The following GARIN2 variants were observed in gnomAD, a reference collection of about 807,000 sequenced individuals.
GARIN2 encodes golgi associated RAB2 interactor family member 2.
chr14:67,223,552 T>C, the GARIN2 span, among the ~76,000 whole-genome samples: 1 of 152,166 alleles, frequency 6.6e-6, no homozygotes, highest in African/African-American at 2.4e-5. Flanking sequence ...GCTTTGGAAA[T>C]CAGGAGCTAA....
chr14:67,199,986 G>T, the GARIN2 span: 1 of 1,101,204 alleles, frequency 9.1e-7, no homozygotes, highest in Non-Finnish European at 1.3e-6. Context: ...TGTCTCAGAT[G>T]CAGCTGGCAC....
At chr14:67,198,362 A>G in the GARIN2 span, 1 of 1,557,090 alleles carries the variant, frequency 6.4e-7, no homozygotes, top group Non-Finnish European at 8.8e-7. Flanking sequence ...CAATAACTTC[A>G]GTAATTTTCT....
At chr14:67,206,857 A>G in the GARIN2 span, among the ~76,000 whole-genome samples, 223 of 152,022 alleles carry the variant, frequency 1.5e-3, 2 homozygotes, top group Non-Finnish European at 1.5e-3. Flanking sequence ...CAGCTTTCCA[A>G]GTAGCTGGGA....
the GARIN2 span, chr14:67,204,950 C>G: frequency 6.2e-7 from 1 of 1,608,124 alleles, no homozygotes. Context: ...CCAGAGGTCC[C>G]GGATGTAAGA....
the GARIN2 span, among the ~76,000 whole-genome samples, chr14:67,207,903 A>G: frequency 6.6e-6 from 1 of 152,156 alleles, no homozygotes. Flanking sequence ...TGTGCTGACA[A>G]TTCACAGAGA....
the GARIN2 span, among the ~76,000 whole-genome samples, chr14:67,215,781 C>G: frequency 4.6e-5 from 7 of 152,262 alleles, no homozygotes; most frequent in African/African-American, 1.7e-4. Flanking sequence ...TCTGGTCACT[C>G]TGATGTCTTC....
the GARIN2 span, among the ~76,000 whole-genome samples, chr14:67,195,789 G>C: frequency 6.6e-6 from 1 of 150,504 alleles, no homozygotes. Flanking sequence ...TGTCGCCCAG[G>C]CTGGAGTGCA....
At chr14:67,207,448 G>C in the GARIN2 span, among the ~76,000 whole-genome samples, 1 of 151,202 alleles carries the variant, frequency 6.6e-6, no homozygotes, top group African/African-American at 2.4e-5. Flanking sequence ...CATTCATGAG[G>C]GATCTGCCCC....
the GARIN2 span, among the ~76,000 whole-genome samples, chr14:67,212,604 TATATATATATGTA>T: frequency 6.9e-6 from 1 of 143,982 alleles, no homozygotes; most frequent in East Asian, 2.0e-4. Flanking sequence ...AAAAAATATA[TATATATATATGTA>T]ATATATATTA....
At chr14:67,195,048 G>C in the GARIN2 span, among the ~76,000 whole-genome samples, 15 of 152,190 alleles carry the variant, frequency 9.9e-5, no homozygotes, top group Non-Finnish European at 2.2e-4. Flanking sequence ...GGTGGGGTGA[G>C]GGGTGTAGTG....
At chr14:67,205,900 A>G in the GARIN2 span, among the ~76,000 whole-genome samples, 4 of 152,170 alleles carry the variant, frequency 2.6e-5, no homozygotes, top group African/African-American at 9.7e-5. Flanking sequence ...ACAATAGAAA[A>G]AAGTCTGGTG....
At chr14:67,192,909 T>TAGAG in the GARIN2 span, among the ~76,000 whole-genome samples, 6,698 of 146,540 alleles carry the variant, frequency 0.046, 170 homozygotes, top group African/African-American at 0.054. Flanking sequence ...TCTAGATATA[T>TAGAG]ATAGATATAT....
At chr14:67,223,942 G>A in the GARIN2 span, 1 of 985,160 alleles carries the variant, frequency 1.0e-6, no homozygotes, top group Non-Finnish European at 1.2e-6. Flanking sequence ...AATTAAAAAT[G>A]AGTCCGTAAT....
At chr14:67,208,080 A>G in the GARIN2 span, 2 of 1,388,066 alleles carry the variant, frequency 1.4e-6, no homozygotes, top group East Asian at 2.4e-5. Context: ...CCTCCTTACT[A>G]CTCCTCACGG....
chr14:67,197,261 T>G, the GARIN2 span: 1 of 152,178 alleles, frequency 6.6e-6, no homozygotes, highest in Non-Finnish European at 1.5e-5. Context: ...TGTTGTTTCT[T>G]TTACAAAAGA....
At chr14:67,212,926 G>T in the GARIN2 span, among the ~76,000 whole-genome samples, 1 of 151,134 alleles carries the variant, frequency 6.6e-6, no homozygotes, top group East Asian at 1.9e-4. Context: ...GTTCTTGGCT[G>T]TTCAAGCAAA....
chr14:67,200,268 C>T, the GARIN2 span: 3 of 783,756 alleles, frequency 3.8e-6, no homozygotes, highest in Admixed American at 3.1e-5. Context: ...TCCAACCAGG[C>T]CCACTCCCCA....
chr14:67,227,425 G>A, the GARIN2 span: 1 of 139,762 alleles, frequency 7.2e-6, no homozygotes, highest in African/African-American at 2.7e-5. Flanking sequence ...GGGCAACAGA[G>A]TAAGATGCTG....
the GARIN2 span, chr14:67,205,206 C>T: frequency 1.3e-5 from 13 of 999,120 alleles, no homozygotes; most frequent in East Asian, 1.1e-4. Flanking sequence ...CTACCTACTC[C>T]GAGAAACCTA....
Sources: gnomAD v4.1 joint callset for allele counts (sites outside exome capture counted in the v4.1 genomes callset) on GRCh38, gnomAD v4.1.1 for gene constraint, MANE v1.5 for transcripts, NCBI Gene and HGNC (gene_info 2026-07-23, HGNC 2026-07-21) for gene names.